Variants in RAB19 observed in about 807,000 individuals in gnomAD.
RAB19 encodes ras-related protein Rab-19.
In RAB19, 21 loss-of-function variants were observed where a neutral mutation model predicts 17.3. The observed-to-expected ratio is 1.21, with a 90% CI of 0.86 to 1.74. RAB19 has a LOEUF of 1.74. Among genes scored for constraint, RAB19 ranks in the 40% most tolerant of loss-of-function variants. The pLI, the probability that RAB19 is intolerant of heterozygous loss-of-function variation, is 0.00. For synonymous variants in RAB19, 126 were observed against 110.4 expected, an observed-to-expected ratio of 1.14 and a Z score of -0.88; for missense variants, 277 against 286.8, an observed-to-expected ratio of 0.97 and a Z score of 0.25.
rs185312181 is a variant in RAB19, at chr7:140,423,378, T to G, written c.386-2504T>G. 1.3e-3 allele frequency among the ~76,000 whole-genome samples: 195 copies of G among 151,282 alleles called. 1 individual carries two copies. Among genetic ancestry groups the G allele is most frequent in the African/African-American group, 4.5e-3 (183 of 41,114 alleles). ...TTGCTTGAACCTGGGAGGCAGAGGT[T>G]GCAGTGAGCCAAGATGGTGCCACTG... On this transcript the variant is annotated intron_variant, in intron 3 of 3. Transcript: ENST00000537763.
chr7:140,425,124 A>G (rs1023551274), intron 3 of RAB19, among the ~76,000 whole-genome samples: 1 of 151,986 alleles, frequency 6.6e-6, no homozygotes, highest in African/African-American at 2.4e-5. Flanking sequence ...TGTCTCTACT[A>G]AAAATACAAA....
At chr7:140,420,801 C>A (rs28667371) in intron 3 of RAB19, among the ~76,000 whole-genome samples, 23,669 of 152,166 alleles carry the variant, frequency 0.16, 2,232 homozygotes, top group African/African-American at 0.27. Flanking sequence ...ACATATGTTG[C>A]AAACATCATC....
chr7:140,415,627 G>A (rs1329148555), intron 3 of RAB19, among the ~76,000 whole-genome samples: 1 of 152,206 alleles, frequency 6.6e-6, no homozygotes, highest in Non-Finnish European at 1.5e-5. Context: ...TATGCAGTCA[G>A]ATGTGTAAAT....
intron 3 of RAB19, among the ~76,000 whole-genome samples, chr7:140,414,404 C>T (rs1429000497): frequency 6.6e-6 from 1 of 152,156 alleles, no homozygotes; most frequent in Non-Finnish European, 1.5e-5. Flanking sequence ...GCTGCCTCTC[C>T]CCCAGCCAGC....
At chr7:140,406,248 CAAA>C (rs56928355) in intron 1 of RAB19, among the ~76,000 whole-genome samples, 9 of 80,932 alleles carry the variant, frequency 1.1e-4, no homozygotes, top group African/African-American at 1.5e-4. Context: ...AACTCTGTCT[CAAA>C]AAAAAAAAAA....
chr7:140,407,598 T>C (rs1799266941), intron 1 of RAB19, 26 bp from the exon 2 acceptor site: 1 of 1,573,594 alleles, frequency 6.4e-7, no homozygotes, highest in African/African-American at 1.4e-5. Flanking sequence ...CAGTTCCTGG[T>C]GCTGAATTCC....
chr7:140,407,019 G>A (rs1799254900), intron 1 of RAB19, among the ~76,000 whole-genome samples: 1 of 152,070 alleles, frequency 6.6e-6, no homozygotes, highest in Admixed American at 6.6e-5. Flanking sequence ...CCGAATAGCT[G>A]AGATTATAGG....
In RAB19 at chr7:140,426,210, A is replaced by G; in HGVS notation, c.*60A>G. 3 of 1,567,916 alleles carry G rather than the reference A, an allele frequency of 1.9e-6. No homozygotes were observed. Among genetic ancestry groups the G allele is most frequent in the Non-Finnish European group, 2.6e-6 (3 of 1,157,850 alleles). On this transcript the variant is annotated 3_prime_UTR_variant, in exon 4 of 4. Transcript: ENST00000537763. ...GCCGCCTCTGAAACCAAAGGTAGCC[A>G]GGATACCGTAGTGTTGCCCCAGTGG...
chr7:140,420,293 C>T (rs899611329), intron 3 of RAB19, among the ~76,000 whole-genome samples: 5 of 151,756 alleles, frequency 3.3e-5, no homozygotes, highest in African/African-American at 4.8e-5. Context: ...TGGTGGTGGG[C>T]GCCTGTAATC....
Position 140,426,232 on chromosome 7 carries a change from G to A in RAB19, c.*82G>A. On this transcript the variant is annotated 3_prime_UTR_variant, in exon 4 of 4. Transcript: ENST00000537763. The stretch of plus-strand genomic sequence containing the variant: ...GCCAGGATACCGTAGTGTTGCCCCA[G>A]TGGCGCTTTAGACCCCAGCGTGGAC... 6.6e-7 allele frequency: 1 copy of A among 1,519,966 alleles called. No homozygotes were observed. Among genetic ancestry groups the A allele is most frequent in the East Asian group, 2.3e-5 (1 of 43,464 alleles). 94.2% of individuals were successfully genotyped at this position (1,519,966 alleles called of 1,614,324 possible).
intron 3 of RAB19, 141 bp from the exon 4 acceptor site, chr7:140,425,741 A>C: frequency 1.1e-6 from 1 of 910,758 alleles, no homozygotes; most frequent in South Asian, 1.8e-5. Flanking sequence ...AAAAAGAAAC[A>C]AAAAAATGTG....
rs1014604013 is a variant in RAB19 at position 140,413,970 on chromosome 7, C to T, written c.385+1913C>T. ...ACCTTTGTATTAAGGTCATGCATCT[C>T]GAGGACACAGTGGAGGCAGTTCTTC... On this transcript the variant is annotated intron_variant, in intron 3 of 3. Coordinates refer to ENST00000537763, the MANE Select transcript of RAB19 (RefSeq NM_001008749.3). Among the ~76,000 whole-genome samples, 3 of 152,286 alleles carry T rather than the reference C, an allele frequency of 2.0e-5. No individual in the cohort carries two copies. In the South Asian group the frequency reaches 6.2e-4, roughly 32 times the overall value.
intron 2 of RAB19, among the ~76,000 whole-genome samples, chr7:140,408,548 T>A (rs1799292450): frequency 6.6e-6 from 1 of 152,094 alleles, no homozygotes; most frequent in Non-Finnish European, 1.5e-5. Context: ...CAGTTTCAGC[T>A]CACTGCAATC....
At chr7:140,421,679 T>C (rs1469921113) in intron 3 of RAB19, among the ~76,000 whole-genome samples, 2 of 152,044 alleles carry the variant, frequency 1.3e-5, no homozygotes, top group African/African-American at 2.4e-5. Context: ...TTATTATGTT[T>C]TGTAGAGATG....
At chr7:140,418,259 CAG>C (rs1308117518) in intron 3 of RAB19, among the ~76,000 whole-genome samples, 3 of 151,840 alleles carry the variant, frequency 2.0e-5, no homozygotes, top group Non-Finnish European at 4.4e-5. Context: ...TGGGTCAAGA[CAG>C]AGAATATTGG....
Position 140,427,314 on chromosome 7 carries a change from C to CTAAT in RAB19, c.*1165_*1166insAATT. The stretch of plus-strand genomic sequence containing the variant: ...TACTGGCACTCACTACCACGCCCAG[C>CTAAT]TCATTTTTTTTGTATATTTAGTAGA... On this transcript the variant is annotated 3_prime_UTR_variant, in exon 4 of 4. Transcript: ENST00000537763. 6.6e-6 allele frequency among the ~76,000 whole-genome samples: 1 copy of CTAAT among 151,630 alleles called. No homozygotes were observed. Among genetic ancestry groups the CTAAT allele is most frequent in the African/African-American group, 2.4e-5 (1 of 41,338 alleles).
chr7:140,418,744 A>T (rs1799507461), intron 3 of RAB19, among the ~76,000 whole-genome samples: 1 of 151,854 alleles, frequency 6.6e-6, no homozygotes, highest in Non-Finnish European at 1.5e-5. Context: ...CTGTAGTCCC[A>T]GCTACGCAGG....
intron 3 of RAB19, among the ~76,000 whole-genome samples, chr7:140,424,574 A>T (rs1799618534): frequency 6.9e-6 from 1 of 144,786 alleles, no homozygotes; most frequent in African/African-American, 2.6e-5. Context: ...TGAAGGGTAA[A>T]CTGGACCTCT....
chr7:140,404,461 G>T (rs749633202), intron 1 of RAB19: 3 of 151,968 alleles, frequency 2.0e-5, no homozygotes, highest in Non-Finnish European at 4.4e-5. Flanking sequence ...AAGTCAGACA[G>T]GAAAAAAGTG....
Sources: allele counts gnomAD v4.1 joint callset (sites outside exome capture counted in the v4.1 genomes callset), GRCh38; gene constraint gnomAD v4.1.1; transcripts MANE v1.5; gene names NCBI Gene and HGNC (gene_info 2026-07-23, HGNC 2026-07-21).